The following KIFC2 variants were observed in gnomAD, a reference collection of about 807,000 sequenced individuals.
KIFC2 encodes kinesin-like protein KIFC2.
In KIFC2, 94 loss-of-function variants were observed where a neutral mutation model predicts 91.5. The ratio of observed to expected loss-of-function variants is 1.03; its 90% CI spans 0.87 to 1.22. The LOEUF (loss-of-function observed/expected upper bound fraction) is 1.22, where lower values mean the gene tolerates loss of function less well. Ranked by LOEUF, KIFC2 falls within the 50% of genes most tolerant of loss-of-function variation. The pLI is 0.00. For missense variants in KIFC2, 1,357 were observed against 1,103.3 expected (o/e 1.23, Z -3.26); for synonymous variants, 729 against 503.9 (o/e 1.45, Z -5.98).
chr8:144,467,962 C>T lies in KIFC2; in HGVS notation c.785C>T (p.Pro262Leu), dbSNP rs1422178395. The T allele has an allele frequency of 1.3e-6, 2 of 1,586,320 alleles. No individual in the cohort carries two copies. The highest frequency in any genetic ancestry group is 2.3e-5 in the East Asian group (1 of 44,316). The change falls in exon 7 of 18, where the codon CCC (proline) becomes CTC (leucine). Residue 262 changes from proline to leucine, a missense_variant. Transcript: ENST00000645548. ...CGGGACCTCCTGCTGCACTGGGGCC[C>T]CGGGCCCCCCATCAGGGCTCCGCAG... Reference protein sequence around the residue: ...LMRDLLLHWGPGPPIRAPQEE... With the variant: ...LMRDLLLHWGLGPPIRAPQEE...
intron 12 of KIFC2, 32 bp downstream of exon 12, chr8:144,469,679 CT>C: frequency 1.3e-6 from 2 of 1,554,082 alleles, no homozygotes. Context: ...CATCCTGACC[CT>C]TTTTCAGAGT....
intron 12 of KIFC2, 38 bp from the exon 13 acceptor site, chr8:144,471,904 T>G: frequency 6.3e-7 from 1 of 1,586,496 alleles, no homozygotes; most frequent in Non-Finnish European, 8.6e-7. Flanking sequence ...ACAGGCAACG[T>G]GGGGAGGACT....
In KIFC2 at chr8:144,467,417, C is replaced by T. The variant is rs866831120; in HGVS notation, c.470-68C>T. ...GGTAGAACCTGGGCGGCCTGGAGTT[C>T]GGGGTCATGTTCCGGAAGATTTGGA... is the stretch of plus-strand genomic sequence containing the variant. On this transcript the variant is annotated intron_variant, in intron 4 of 17. Coordinates refer to ENST00000645548, the MANE Select transcript of KIFC2 (RefSeq NM_001369769.2). 7.8e-6 allele frequency: 12 copies of T among 1,543,172 alleles called. No individual in the cohort carries two copies. The Middle Eastern group carries it at 7.0e-4, about 90-fold the overall frequency.
rs1158331580 is a variant in KIFC2, at chr8:144,473,239, C to T, written c.2226C>T (p.Arg742=). ...CAGCCCGGCGCCGCAGGGTCCCGCG[C>T]TCCTCCGGGACGCCTTCTTCCCTCA... ...LGPARRRRVP[R]SSGTPSSLST... The change falls in exon 18 of 18, where the codon CGC becomes CGT. Residue 742 remains arginine, a synonymous_variant. Transcript: ENST00000645548. 3.7e-6 allele frequency: 6 copies of T among 1,601,784 alleles called. No homozygotes were observed. Among genetic ancestry groups the T allele is most frequent in the South Asian group, 1.1e-5 (1 of 89,112 alleles).
At position 144,466,696 on chromosome 8, in the gene KIFC2, C is replaced by T. The variant is rs1428735347; in HGVS notation, c.100-64C>T. On this transcript the variant is annotated intron_variant, in intron 1 of 17. Transcript: ENST00000645548. ...GGCCCCAATCCTCCGGCCCGGTTCG[C>T]GGAGGGAAGGGGCCAGCAGGCTGCC... 3.0e-6 allele frequency: 4 copies of T among 1,347,000 alleles called. No individual in the cohort carries two copies. The African/African-American group carries it at 4.6e-5, about 16-fold the overall frequency. The allele number at this position is 1,347,000 out of a possible 1,614,324, so 83.4% of individuals were successfully genotyped here.
Position 144,468,708 on chromosome 8 carries a change from C to T in KIFC2, c.1004-17C>T, listed in dbSNP as rs756300188. On this transcript the variant is annotated splice_polypyrimidine_tract_variant and intron_variant, in intron 9 of 17. Coordinates refer to ENST00000645548, the MANE Select transcript of KIFC2 (RefSeq NM_001369769.2). Reference sequence around the variant, plus strand: ...CTGGAGGCTGGGCCTTCCCTTCCAACAGACTTCCCTCTCCAGGACTTCGGG... The same window carrying T: ...CTGGAGGCTGGGCCTTCCCTTCCAATAGACTTCCCTCTCCAGGACTTCGGG... 1 of 1,613,878 alleles carries T rather than the reference C, an allele frequency of 6.2e-7. No homozygotes were observed. The highest frequency in any genetic ancestry group is 1.7e-4 in the Middle Eastern group (1 of 6,058).
In KIFC2 at chr8:144,472,980, C is replaced by A; in HGVS notation, c.2047C>A (p.Arg683Ser). ...GGCCCACCGGCCGCACGTGCCCTTC[C>A]GCGACTCGCAGCTCACGCGACTGCT... ...LRAHRPHVPF[R>S]DSQLTRLLQP... Residue 683 changes from arginine to serine, a missense_variant, in exon 17 of 18, where the codon CGC (arginine) becomes AGC (serine). Physicochemically the swap from Arg to Ser is moderately radical, Grantham distance 110 (BLOSUM62 -1). Coordinates refer to ENST00000645548, the MANE Select transcript of KIFC2 (RefSeq NM_001369769.2). 1 of 1,455,518 alleles carries A rather than the reference C, an allele frequency of 6.9e-7. No individual in the cohort carries two copies. The highest frequency in any genetic ancestry group is 9.0e-7 in the Non-Finnish European group (1 of 1,111,630). 90.2% of individuals were successfully genotyped at this position (1,455,518 alleles called of 1,614,324 possible).
At position 144,469,366 on chromosome 8, in the gene KIFC2, G is replaced by A; in HGVS notation, c.1209G>A (p.Leu403=). 6.2e-7 allele frequency: 1 copy of A among 1,610,732 alleles called. No homozygotes were observed. The highest frequency in any genetic ancestry group is 8.5e-7 in the Non-Finnish European group (1 of 1,179,100). Residue 403 remains leucine (L), a synonymous_variant, in exon 11 of 18, where the codon CTG becomes CTA. Transcript: ENST00000645548. ...QGPPAGCPGR[L]PELKGNIRVL... ...CCCCAGCCGGATGCCCAGGGCGGCT[G>A]CCAGAACTCAAGGGTATGACAGGCT...
rs1825052460 is a variant in KIFC2, at chr8:144,473,938, GA to G, written c.*550del. On this transcript the variant is annotated 3_prime_UTR_variant, in exon 18 of 18. Coordinates refer to ENST00000645548, the MANE Select transcript of KIFC2 (RefSeq NM_001369769.2). ...GGAGGGGAGGTGACGGCTGGTGACT[GA>G]TGGATGGGTAGTGGGCTGAGAAGAG... The G allele has an allele frequency of 2.2e-6, 1 of 455,910 alleles. No individual in the cohort carries two copies. The highest frequency in any genetic ancestry group is 3.9e-6 in the Non-Finnish European group (1 of 257,058). The allele number at this position is 455,910 out of a possible 1,614,324, so 28.2% of individuals were successfully genotyped here.
chr8:144,467,735 C>G lies in KIFC2; in HGVS notation c.637C>G (p.Leu213Val). ...CCAGCTGGAGGAGCTGAAGCAGCAG[C>G]TGGAACAGCAGGAGGAGGAGTTGGG... ...LGQLEELKQQ[L>V]EQQEEELGRL... Residue 213 changes from leucine (L) to valine (V), a missense_variant, in exon 6 of 18, where the codon CTG (leucine) becomes GTG (valine). Leu to Val is a conservative substitution (Grantham distance 32, BLOSUM62 1). Coordinates refer to ENST00000645548, the MANE Select transcript of KIFC2 (RefSeq NM_001369769.2). 1 of 1,613,910 alleles carries G rather than the reference C, an allele frequency of 6.2e-7. No homozygotes were observed. Among genetic ancestry groups the G allele is most frequent in the Non-Finnish European group, 8.5e-7 (1 of 1,179,992 alleles).
At chr8:144,466,308 TG>T, upstream of KIFC2, 1 of 252,218 alleles carries the variant, frequency 4.0e-6, no homozygotes, top group Non-Finnish European at 7.0e-6. Context: ...AGCCGGGCCG[TG>T]GGGGCGGCCG....
intron 8 of KIFC2, 63 bp from the exon 9 acceptor site, chr8:144,468,473 T>G: frequency 6.9e-7 from 1 of 1,457,442 alleles, no homozygotes; most frequent in East Asian, 3.1e-5. Flanking sequence ...GAGGGGCTTA[T>G]CTGAGGCAGG....
intron 7 of KIFC2, 103 bp downstream of exon 7, chr8:144,468,090 C>T: frequency 1.4e-6 from 2 of 1,384,736 alleles, no homozygotes; most frequent in Non-Finnish European, 1.9e-6. Context: ...CCGGGATGGT[C>T]TGTGTAGGGC....
In KIFC2 at chr8:144,467,723, C is replaced by G. The variant is rs778919175; in HGVS notation, c.625C>G (p.Leu209Val). 3.7e-6 allele frequency: 6 copies of G among 1,613,846 alleles called. No individual in the cohort carries two copies. The highest frequency in any genetic ancestry group is 1.1e-5 in the South Asian group (1 of 91,086). ...EQLILGQLEE[L>V]KQQLEQQEEE... ...TCTTACTTCTCCCCAGCTGGAGGAGCTGAAGCAGCAGCTGGAACAGCAGGA... is the reference window on the plus strand; with the variant it reads ...TCTTACTTCTCCCCAGCTGGAGGAGGTGAAGCAGCAGCTGGAACAGCAGGA... The change falls in exon 6 of 18, where the codon CTG becomes GTG. Residue 209 changes from leucine to valine, a missense_variant. By Grantham distance (32) the Leu-to-Val change is conservative. Transcript: ENST00000645548.
rs764615058 is a variant in KIFC2, at chr8:144,468,398, C to T, written c.880C>T (p.Arg294Ter). 1.1e-5 allele frequency: 17 copies of T among 1,612,622 alleles called. No homozygotes were observed. The highest frequency in any genetic ancestry group is 4.5e-5 in the East Asian group (2 of 44,850). Residue 294 changes from arginine (R) to a stop codon, truncating the protein, a stop_gained, in exon 8 of 18, where the codon CGA becomes TGA. Coordinates refer to ENST00000645548, the MANE Select transcript of KIFC2 (RefSeq NM_001369769.2). LOFTEE classifies it high-confidence loss of function. ...GGCCCAAGACACCACAGAAGCCCTC[C>T]GAGCCCAGGTGGGCATGGGGCCCAG... ...QEAQDTTEAL[R>*]AQLGVQEVQL...
chr8:144,467,239 C>G lies in KIFC2; in HGVS notation c.367C>G (p.Gln123Glu), dbSNP rs768113160. The change falls in exon 4 of 18, where the codon CAG becomes GAG. Residue 123 changes from glutamine to glutamate, a missense_variant. By Grantham distance (29) the Gln-to-Glu change is conservative. Coordinates refer to ENST00000645548, the MANE Select transcript of KIFC2 (RefSeq NM_001369769.2). Reference protein sequence around the residue: ...EVPSLLTVTSQLLALLAWLRS... With the variant: ...EVPSLLTVTSELLALLAWLRS... The stretch of plus-strand genomic sequence containing the variant: ...CCCCTCACTGTTGACAGTGACCAGT[C>G]AGCTCTTGGCCCTTCTGGCATGGCT... The G allele has an allele frequency of 2.7e-5, 43 of 1,613,588 alleles. No individual in the cohort carries two copies. The highest frequency in any genetic ancestry group is 3.6e-5 in the Non-Finnish European group (43 of 1,180,038).
Position 144,472,831 on chromosome 8 carries a change from G to A in KIFC2, c.1898G>A (p.Arg633His). The change falls in exon 17 of 18, where the codon CGC (arginine) becomes CAC (histidine). Residue 633 changes from arginine to histidine, a missense_variant. Arg to His is a conservative substitution (Grantham distance 29). Transcript: ENST00000645548. Reference sequence around the variant, plus strand: ...CTGGTGGACCTGGCGGGATCCGAACGCGCACGGAAGGCAGGGGCGGCCGGC... The same window carrying A: ...CTGGTGGACCTGGCGGGATCCGAACACGCACGGAAGGCAGGGGCGGCCGGC... ...LHLVDLAGSE[R>H]ARKAGAAGPP... is the part of the protein sequence containing the mutation. The A allele has an allele frequency of 1.5e-5, 24 of 1,573,570 alleles. No individual in the cohort carries two copies. The highest frequency in any genetic ancestry group is 2.1e-5 in the Non-Finnish European group (24 of 1,170,512).
In KIFC2 at chr8:144,472,937, C is replaced by T. The variant is rs1824992839; in HGVS notation, c.2004C>T (p.Gly668=). The T allele has an allele frequency of 2.7e-6, 4 of 1,483,114 alleles. No individual in the cohort carries two copies. The highest frequency in any genetic ancestry group is 1.5e-5 in the African/African-American group (1 of 68,672). The allele number at this position is 1,483,114 out of a possible 1,614,324, so 91.9% of individuals were successfully genotyped here. Residue 668 remains glycine, a synonymous_variant, in exon 17 of 18, where the codon GGC becomes GGT. Transcript: ENST00000645548. Reference sequence around the variant, plus strand: ...ACCGCTCGCTGCTGGCGCTAGGAGGCGTGATGGCCGCACTGCGGGCCCACC... The same window carrying T: ...ACCGCTCGCTGCTGGCGCTAGGAGGTGTGATGGCCGCACTGCGGGCCCACC... ...TINRSLLALG[G]VMAALRAHRP...
rs374455798 is a variant in KIFC2, at chr8:144,466,970, C to T, written c.190C>T (p.Pro64Ser). The change falls in exon 3 of 18, where the codon CCT becomes TCT. Residue 64 changes from proline (P) to serine (S), a missense_variant. By Grantham distance (74) the Pro-to-Ser change is moderately conservative. Transcript: ENST00000645548. ...ELTGLAASSE[P>S]EDGSEGAAEG... ...TCCCTGACCGGCAGCCAGCTCCGAG[C>T]CTGAGGATGGGTCGGAAGGCGCAGC... 35 of 1,595,222 alleles carry T rather than the reference C, an allele frequency of 2.2e-5. No homozygotes were observed. The African/African-American group carries it at 4.3e-4, about 19-fold the overall frequency.
Sources: gnomAD v4.1 joint callset for allele counts on GRCh38, gnomAD v4.1.1 for gene constraint, MANE v1.5 for transcripts, NCBI Gene and HGNC (gene_info 2026-07-23, HGNC 2026-07-21) for gene names.